ACACB: variants seen among roughly 807,000 people sequenced by gnomAD.
ACACB encodes acetyl-CoA carboxylase 2.
In ACACB, 209 loss-of-function variants were observed where a neutral mutation model predicts 278.8. The observed-to-expected ratio is 0.75, with a 90% CI of 0.67 to 0.84. The LOEUF is 0.84. Among genes scored for constraint, ACACB ranks in the 40% least tolerant of loss-of-function variants. The pLI is 0.00. For missense variants in ACACB, 2,850 were observed against 3,269.0 expected (o/e 0.87, Z 3.13); for synonymous variants, 1,174 against 1,285.6 (o/e 0.91, Z 1.86).
intron 43 of ACACB, 79 bp downstream of exon 43, chr12:109,253,237 T>C: frequency 7.2e-7 from 1 of 1,395,440 alleles, no homozygotes. Context: ...TGTCACCTCC[T>C]GGGTGGTGTG....
chr12:109,144,397 T>C (rs1040575865), intron 2 of ACACB, among the ~76,000 whole-genome samples: 3 of 152,146 alleles, frequency 2.0e-5, no homozygotes, highest in Non-Finnish European at 4.4e-5. Flanking sequence ...ATCTTTGGGA[T>C]CCGTGGTAGC....
At chr12:109,214,121 G>A (rs1368435718) in intron 22 of ACACB, among the ~76,000 whole-genome samples, 1 of 152,040 alleles carries the variant, frequency 6.6e-6, no homozygotes, top group African/African-American at 2.4e-5. Flanking sequence ...AATGAGTCGG[G>A]GATGGTGGTG....
At chr12:109,172,999 G>A (rs191270714) in intron 6 of ACACB, among the ~76,000 whole-genome samples, 131 of 152,286 alleles carry the variant, frequency 8.6e-4, no homozygotes, top group African/African-American at 3.1e-3. Flanking sequence ...CAAAAATACT[G>A]AGATTATGTC....
chr12:109,265,434 C>G lies in ACACB; in HGVS notation c.7159C>G (p.Gln2387Glu), dbSNP rs753726473. 6.2e-7 allele frequency: 1 copy of G among 1,613,486 alleles called. No homozygotes were observed. The change falls in exon 52 of 53, where the codon CAG (glutamine) becomes GAG (glutamate). Residue 2387 changes from glutamine to glutamate, a missense_variant. Physicochemically the swap from Gln to Glu is conservative, Grantham distance 29. This residue lies in a region of ACACB where 579 missense variants were observed against 684.6 expected (regional missense o/e 0.85). Coordinates refer to ENST00000338432, the MANE Select transcript of ACACB (RefSeq NM_001093.4). ...CCAGGTGGTTGTGCAGTGGCTGGAA[C>G]AGCACTGGCAGGCAGGGGATGGCCC... ...NNQVVVQWLE[Q>E]HWQAGDGPRS...
intron 2 of ACACB, among the ~76,000 whole-genome samples, chr12:109,153,755 C>G (rs958924799): frequency 6.6e-6 from 1 of 152,134 alleles, no homozygotes; most frequent in Non-Finnish European, 1.5e-5. Flanking sequence ...CTCCGCCTCT[C>G]GGGTTTTAGT....
chr12:109,223,933 C>G (rs776985902), intron 27 of ACACB, 29 bp downstream of exon 27: 1 of 1,580,754 alleles, frequency 6.3e-7, no homozygotes, highest in South Asian at 1.1e-5. Flanking sequence ...GAGAACAGCA[C>G]TGACCATGCC....
At chr12:109,155,093 G>A (rs1159653658) in intron 2 of ACACB, among the ~76,000 whole-genome samples, 1 of 152,174 alleles carries the variant, frequency 6.6e-6, no homozygotes, top group Non-Finnish European at 1.5e-5. Flanking sequence ...CTGCTGGGGA[G>A]ATGATGCCCG....
At chr12:109,169,225 A>C (rs1324048103) in intron 4 of ACACB, among the ~76,000 whole-genome samples, 2 of 151,880 alleles carry the variant, frequency 1.3e-5, no homozygotes, top group Non-Finnish European at 2.9e-5. Context: ...AAAATGCATC[A>C]GAGGCTGTGT....
chr12:109,201,451 C>T, intron 18 of ACACB, 116 bp from the exon 19 acceptor site: 1 of 1,244,082 alleles, frequency 8.0e-7, no homozygotes, highest in South Asian at 1.5e-5. Flanking sequence ...GGGAGTCATT[C>T]TGGCGCGTCC....
intron 44 of ACACB, among the ~76,000 whole-genome samples, 176 bp downstream of exon 44, chr12:109,254,510 T>G (rs1020834063): frequency 4.6e-5 from 7 of 151,510 alleles, no homozygotes; most frequent in African/African-American, 1.2e-4. Flanking sequence ...GATTTTACTC[T>G]AGGCTTTTCC....
chr12:109,255,352 C>T (rs1015083830), intron 44 of ACACB, among the ~76,000 whole-genome samples: 1 of 152,196 alleles, frequency 6.6e-6, no homozygotes, highest in South Asian at 2.1e-4. Flanking sequence ...AGGTGACCCT[C>T]GGGAGTGTGC....
At chr12:109,136,055 C>T (rs1408513116) in intron 1 of ACACB, among the ~76,000 whole-genome samples, 1 of 152,136 alleles carries the variant, frequency 6.6e-6, no homozygotes, top group African/African-American at 2.4e-5. Flanking sequence ...TCGTGATCCA[C>T]CTGCTTCAGC....
Position 109,259,027 on chromosome 12 carries a change from C to G in ACACB, c.6415C>G (p.Gln2139Glu). 1 of 1,614,174 alleles carries G rather than the reference C, an allele frequency of 6.2e-7. No individual in the cohort carries two copies. The stretch of plus-strand genomic sequence containing the variant: ...CCCAGACTCAGCCTACAAAACCGCC[C>G]AGGCCGTCAAGGACTTCAACCGGGA... ...WFPDSAYKTA[Q>E]AVKDFNREKL... The change falls in exon 47 of 53, where the codon CAG becomes GAG. Residue 2139 changes from glutamine (Q) to glutamate (E), a missense_variant. Transcript: ENST00000338432.
chr12:109,252,977 C>G, intron 42 of ACACB, 38 bp from the exon 43 acceptor site: 1 of 1,542,202 alleles, frequency 6.5e-7, no homozygotes, highest in South Asian at 1.3e-5. Flanking sequence ...GAGCCCTGCA[C>G]CGTGCAGGAC....
At chr12:109,147,392 T>C (rs1157102824) in intron 2 of ACACB, among the ~76,000 whole-genome samples, 1 of 92,426 alleles carries the variant, frequency 1.1e-5, no homozygotes, top group Non-Finnish European at 2.5e-5. Context: ...GTCTGGCTAC[T>C]TTTTTTTTTT....
intron 48 of ACACB, among the ~76,000 whole-genome samples, chr12:109,261,057 G>T (rs780562750): frequency 4.6e-5 from 7 of 152,220 alleles, no homozygotes; most frequent in Non-Finnish European, 1.0e-4. Context: ...TGCATGAGAG[G>T]ATACCGGTTC....
chr12:109,191,353 A>T, intron 13 of ACACB: 1 of 348,210 alleles, frequency 2.9e-6, no homozygotes, highest in South Asian at 2.6e-5. Context: ...AGCTGAGATT[A>T]CAGGCGTCCT....
rs2044972430 is a variant in ACACB at position 109,193,528 on chromosome 12, A to AT, written c.2400-115dup. Reference sequence around the variant, plus strand: ...CCATTGCGCCCAGCCCAGGCTTAGCATTTTTAGTGCAGTCAGGTTTGCTGA... The same window carrying AT: ...CCATTGCGCCCAGCCCAGGCTTAGCATTTTTTAGTGCAGTCAGGTTTGCTGA... On this transcript the variant is annotated intron_variant, in intron 15 of 52. Coordinates refer to ENST00000338432, the MANE Select transcript of ACACB (RefSeq NM_001093.4). 6.2e-6 allele frequency: 5 copies of AT among 803,926 alleles called. No individual in the cohort carries two copies. In the Admixed American group the frequency reaches 8.3e-5, roughly 13 times the overall value. 49.8% of individuals were successfully genotyped at this position (803,926 alleles called of 1,614,324 possible).
intron 2 of ACACB, among the ~76,000 whole-genome samples, chr12:109,165,102 G>A (rs1223156777): frequency 6.6e-6 from 1 of 152,128 alleles, no homozygotes; most frequent in Non-Finnish European, 1.5e-5. Context: ...ATCTTCTTAA[G>A]TGGATGAAAC....
Sources: gnomAD v4.1 joint callset for allele counts (sites outside exome capture counted in the v4.1 genomes callset) on GRCh38, gnomAD v4.1.1 for gene constraint, gnomAD v4.1.1 regional missense constraint, MANE v1.5 for transcripts, NCBI Gene and HGNC (gene_info 2026-07-23, HGNC 2026-07-21) for gene names.